Variants in ACVR2A observed in about 807,000 individuals in gnomAD.
The protein encoded by ACVR2A is activin A receptor type 2A.
Under a neutral mutation model 61.4 loss-of-function variants are expected in ACVR2A, and 7 were observed. That is an observed-to-expected ratio of 0.11 (90% CI 0.06 to 0.21). The LOEUF is 0.21. Among genes scored for constraint, ACVR2A ranks in the 10% least tolerant of loss-of-function variants. ACVR2A has a pLI of 1.00. For missense variants in ACVR2A, 322 were observed against 621.7 expected (o/e 0.52, Z 5.13); for synonymous variants, 193 against 208.3 (o/e 0.93, Z 0.63).
At chr2:147,888,202 G>A (rs991848106) in intron 1 of ACVR2A, among the ~76,000 whole-genome samples, 3 of 152,086 alleles carry the variant, frequency 2.0e-5, no homozygotes, top group African/African-American at 4.8e-5. Context: ...TCAGTACCTT[G>A]CTGTCTTTAT....
chr2:147,850,201 C>A (rs1272384235), intron 1 of ACVR2A, among the ~76,000 whole-genome samples: 1 of 152,042 alleles, frequency 6.6e-6, no homozygotes, highest in Non-Finnish European at 1.5e-5. Flanking sequence ...TCCCCTGACC[C>A]TTCTGTACTT....
intron 1 of ACVR2A, among the ~76,000 whole-genome samples, chr2:147,871,440 T>C (rs1208879588): frequency 6.6e-6 from 1 of 152,142 alleles, no homozygotes; most frequent in East Asian, 1.9e-4. Context: ...TTTGATCTAC[T>C]TTTAGGTCAT....
At chr2:147,900,789 T>G (rs1686853095) in intron 4 of ACVR2A, among the ~76,000 whole-genome samples, 1 of 152,066 alleles carries the variant, frequency 6.6e-6, no homozygotes, top group Non-Finnish European at 1.5e-5. Context: ...TCTGAATCTC[T>G]TGGTGTAACT....
At chr2:147,874,668 C>T (rs150298239) in intron 1 of ACVR2A, among the ~76,000 whole-genome samples, 20 of 152,024 alleles carry the variant, frequency 1.3e-4, no homozygotes, top group African/African-American at 4.6e-4. Flanking sequence ...TGTTGCATAT[C>T]ACATCCAATT....
intron 1 of ACVR2A, among the ~76,000 whole-genome samples, chr2:147,872,764 C>G (rs1029490518): frequency 6.6e-6 from 1 of 151,620 alleles, no homozygotes; most frequent in Non-Finnish European, 1.5e-5. Flanking sequence ...TTATACTTGT[C>G]TTTCTATAGT....
At chr2:147,915,766 A>G (rs1687233641) in intron 5 of ACVR2A, among the ~76,000 whole-genome samples, 1 of 151,926 alleles carries the variant, frequency 6.6e-6, no homozygotes, top group Admixed American at 6.6e-5. Flanking sequence ...TTCTACTTTG[A>G]GTGTTTAATT....
At chr2:147,886,288 G>A (rs548659385) in intron 1 of ACVR2A, among the ~76,000 whole-genome samples, 83 of 152,236 alleles carry the variant, frequency 5.5e-4, no homozygotes, top group African/African-American at 1.9e-3. Flanking sequence ...AACAAGAATT[G>A]CTTTTTAAGT....
chr2:147,922,647 GT>G (rs745989243), intron 8 of ACVR2A, among the ~76,000 whole-genome samples: 8 of 149,030 alleles, frequency 5.4e-5, no homozygotes, highest in East Asian at 2.0e-4. Context: ...CTCAAAAAAA[GT>G]TTTTTTTTTA....
intron 1 of ACVR2A, among the ~76,000 whole-genome samples, chr2:147,878,885 G>T (rs1345420621): frequency 1.3e-5 from 2 of 151,578 alleles, no homozygotes; most frequent in Non-Finnish European, 2.9e-5. Flanking sequence ...CTCCAGCCTG[G>T]GTGACAGAAA....
At chr2:147,893,210 C>G (rs758148186) in intron 1 of ACVR2A, among the ~76,000 whole-genome samples, 37 of 152,202 alleles carry the variant, frequency 2.4e-4, no homozygotes, top group Non-Finnish European at 3.8e-4. Flanking sequence ...GTTTGAGATT[C>G]ATCCATTTTG....
intron 1 of ACVR2A, among the ~76,000 whole-genome samples, chr2:147,857,030 A>G (rs1685596273): frequency 1.3e-5 from 2 of 152,258 alleles, no homozygotes; most frequent in Admixed American, 1.3e-4. Context: ...GGGAGGGCCT[A>G]ACAAACTGTC....
chr2:147,852,394 G>A (rs1457219169), intron 1 of ACVR2A, among the ~76,000 whole-genome samples: 2 of 152,018 alleles, frequency 1.3e-5, no homozygotes, highest in African/African-American at 4.8e-5. Flanking sequence ...CTAATGGATT[G>A]TAAATCCCTA....
At chr2:147,876,473 A>G (rs2105164223) in intron 1 of ACVR2A, among the ~76,000 whole-genome samples, 1 of 152,026 alleles carries the variant, frequency 6.6e-6, no homozygotes, top group Non-Finnish European at 1.5e-5. Flanking sequence ...ATATGCCTCA[A>G]GGTTGAGGTA....
chr2:147,863,366 A>G (rs1418484195), intron 1 of ACVR2A, among the ~76,000 whole-genome samples: 1 of 152,172 alleles, frequency 6.6e-6, no homozygotes, highest in East Asian at 1.9e-4. Flanking sequence ...ATGAAAGTAC[A>G]CTGCTTGACC....
intron 1 of ACVR2A, among the ~76,000 whole-genome samples, chr2:147,856,666 G>T (rs997866770): frequency 1.3e-5 from 2 of 152,088 alleles, no homozygotes; most frequent in African/African-American, 4.8e-5. Flanking sequence ...AAATGAGGAC[G>T]ATGATAAATA....
intron 9 of ACVR2A, 64 bp from the exon 10 acceptor site, chr2:147,925,967 T>C: frequency 6.5e-7 from 1 of 1,531,232 alleles, no homozygotes; most frequent in Non-Finnish European, 8.9e-7. Context: ...AGAAAGTTTG[T>C]ACCAGTTTGA....
intron 1 of ACVR2A, among the ~76,000 whole-genome samples, chr2:147,848,662 T>C (rs140291721): frequency 1.3e-5 from 2 of 152,008 alleles, no homozygotes; most frequent in African/African-American, 2.4e-5. Flanking sequence ...TACTCAAGGA[T>C]GGAGGGTGGG....
At chr2:147,890,360 G>C (rs1159065422) in intron 1 of ACVR2A, among the ~76,000 whole-genome samples, 1 of 151,840 alleles carries the variant, frequency 6.6e-6, no homozygotes, top group Non-Finnish European at 1.5e-5. Flanking sequence ...GTGTGTGTGT[G>C]TGTGTGTGTA....
At chr2:147,855,453 CTGGGTTA>C (rs1348814791) in intron 1 of ACVR2A, among the ~76,000 whole-genome samples, 7 of 152,068 alleles carry the variant, frequency 4.6e-5, no homozygotes. Flanking sequence ...AAGAGCAGAT[CTGGGTTA>C]TGTGTTGAGA....
Sources: gnomAD v4.1 joint callset for allele counts (sites outside exome capture counted in the v4.1 genomes callset) on GRCh38, gnomAD v4.1.1 for gene constraint, MANE v1.5 for transcripts, NCBI Gene and HGNC (gene_info 2026-07-23, HGNC 2026-07-21) for gene names.